WNK2: variants seen among roughly 807,000 people sequenced by gnomAD.
WNK2 encodes serine/threonine-protein kinase WNK2.
WNK2 carries 67 observed loss-of-function variants against 192.1 expected under a neutral mutation model. The ratio of observed to expected loss-of-function variants is 0.35; its 90% CI spans 0.29 to 0.43. The LOEUF is 0.43. Among genes scored for constraint, WNK2 ranks in the 20% least tolerant of loss-of-function variants. WNK2 has a pLI of 1.00. For synonymous variants in WNK2, 1,439 were observed against 1,393.9 expected (o/e 1.03, Z -0.72); for missense variants, 2,698 against 3,089.7 (o/e 0.87, Z 3.01).
At chr9:93,290,759 A>G (rs1849222509) in intron 21 of WNK2, among the ~76,000 whole-genome samples, 1 of 152,240 alleles carries the variant, frequency 6.6e-6, no homozygotes, top group Non-Finnish European at 1.5e-5. Flanking sequence ...TACCAGGGCA[A>G]TCCCTGAAGA....
intron 29 of WNK2, chr9:93,319,484 G>A (rs531783114): frequency 1.1e-6 from 1 of 886,444 alleles, no homozygotes; most frequent in Non-Finnish European, 1.4e-6. Context: ...GGGTTAGCTG[G>A]CTGGGCTGCC....
chr9:93,259,176 T>C lies in WNK2; in HGVS notation c.2628T>C (p.Ile876=). 1 of 1,612,592 alleles carries C rather than the reference T, an allele frequency of 6.2e-7. No homozygotes were observed. Among genetic ancestry groups the C allele is most frequent in the Non-Finnish European group, 8.5e-7 (1 of 1,179,708 alleles). ...CCCTGGCCATGCCCTGCCGGACCAT[T>C]GTGCCAAATGCACCGGCCACTATCC... ...GAPLAMPCRT[I]VPNAPATIPL... is the part of the protein sequence containing the mutation. The change falls in exon 12 of 30, where the codon ATT becomes ATC. Residue 876 remains isoleucine, a synonymous_variant. Transcript: ENST00000427277. The surrounding 1 kb of genome is among the most constrained non-coding windows in gnomAD (Gnocchi z 4.8).
chr9:93,306,947 C>T, intron 27 of WNK2, 126 bp downstream of exon 27: 1 of 1,194,792 alleles, frequency 8.4e-7, no homozygotes. Flanking sequence ...CGCGCCTGCT[C>T]CATGCCTCTC....
intron 16 of WNK2, among the ~76,000 whole-genome samples, chr9:93,266,696 A>G (rs1386882909): frequency 1.3e-5 from 2 of 152,222 alleles, no homozygotes; most frequent in African/African-American, 2.4e-5. Flanking sequence ...CTGGAGGTGT[A>G]TGCAGGTGGT....
At chr9:93,290,110 C>G (rs1378390185) in intron 21 of WNK2, 63 bp downstream of exon 21, 6 of 1,435,818 alleles carry the variant, frequency 4.2e-6, no homozygotes, top group African/African-American at 1.4e-5. Context: ...GCCCCAGAAC[C>G]TTCTGCATCC....
chr9:93,279,793 C>A (rs1295214562), intron 19 of WNK2, among the ~76,000 whole-genome samples: 1 of 152,138 alleles, frequency 6.6e-6, no homozygotes, highest in African/African-American at 2.4e-5. Flanking sequence ...ATTTAAATGA[C>A]TTTCAGGAAA....
At chr9:93,268,799 CCTT>C (rs1845583029) in intron 19 of WNK2, 53 bp downstream of exon 19, 1 of 1,588,664 alleles carries the variant, frequency 6.3e-7, no homozygotes, top group Non-Finnish European at 8.6e-7. Context: ...GTACAGGCCT[CCTT>C]CTGTGCATGA....
At chr9:93,187,593 G>T (rs1383065914) in intron 2 of WNK2, among the ~76,000 whole-genome samples, 2 of 152,330 alleles carry the variant, frequency 1.3e-5, no homozygotes, top group Non-Finnish European at 2.9e-5. Flanking sequence ...AGAACTTGGT[G>T]TGTGTTGGGG....
intron 2 of WNK2, among the ~76,000 whole-genome samples, chr9:93,206,758 G>T (rs75932720): frequency 6.6e-6 from 1 of 152,150 alleles, no homozygotes; most frequent in Admixed American, 6.5e-5. Context: ...TCTTGGGGAG[G>T]GCAGCCAGAA....
Position 93,289,055 on chromosome 9 carries a change from A to G in WNK2, c.4301A>G (p.Gln1434Arg), listed in dbSNP as rs748522186. 1 of 1,606,026 alleles carries G rather than the reference A, an allele frequency of 6.2e-7. No homozygotes were observed. The highest frequency in any genetic ancestry group is 1.7e-5 in the Admixed American group (1 of 59,202). The change falls in exon 20 of 30, where the codon CAG becomes CGG. Residue 1434 changes from glutamine (Q) to arginine (R), a missense_variant. Gln to Arg is a conservative substitution (Grantham distance 43, BLOSUM62 1). Around this residue, in one of 7 missense-constraint regions of WNK2, gnomAD observed 1,098 missense variants for 1,101.0 expected, o/e 1.00. Coordinates refer to ENST00000427277, the MANE Select transcript of WNK2 (RefSeq NM_006648.4). ...QGLTSELETS[Q>R]PLAETHEAPL... ...CTGACCAGTGAGCTCGAGACGTCTC[A>G]GCCACTAGCGGAGACTCACGAGGCC...
chr9:93,247,960 C>A lies in WNK2; in HGVS notation c.1834+126C>A. 9.8e-7 allele frequency: 1 copy of A among 1,022,162 alleles called. No homozygotes were observed. Among genetic ancestry groups the A allele is most frequent in the Non-Finnish European group, 1.4e-6 (1 of 713,546 alleles). 63.3% of individuals were successfully genotyped at this position (1,022,162 alleles called of 1,614,324 possible). On this transcript the variant is annotated intron_variant, in intron 8 of 29. Coordinates refer to ENST00000427277, the MANE Select transcript of WNK2 (RefSeq NM_006648.4). This position sits in a 1 kb window ranked among gnomAD's most constrained non-coding sequence, Gnocchi z 5.2. The stretch of plus-strand genomic sequence containing the variant: ...AATGCTTTGTGAGGAAGGGGGTCCG[C>A]ATGGCATCCCCTCGGAGGAGACATC...
Position 93,185,126 on chromosome 9 carries a change from A to G in WNK2, c.197A>G (p.Gln66Arg). The G allele has an allele frequency of 7.7e-7, 1 of 1,302,698 alleles. No individual in the cohort carries two copies. 80.7% of individuals were successfully genotyped at this position (1,302,698 alleles called of 1,614,324 possible). A position where few individuals can be genotyped will look rare whatever the true frequency, so the allele number is the denominator to read the frequency against. Residue 66 changes from glutamine to arginine, a missense_variant, in exon 2 of 30, where the codon CAG becomes CGG. Coordinates refer to ENST00000427277, the MANE Select transcript of WNK2 (RefSeq NM_006648.4). ...GLEAAEAPGP[Q>R]PPQPLQRRVL... Reference sequence around the variant, plus strand: ...GAGGCAGCCGAGGCGCCGGGCCCGCAGCCCCCGCAGCCCCTGCAGCGCCGG... The same window carrying G: ...GAGGCAGCCGAGGCGCCGGGCCCGCGGCCCCCGCAGCCCCTGCAGCGCCGG...
At chr9:93,251,526 G>A (rs1013102745) in intron 8 of WNK2, among the ~76,000 whole-genome samples, 2 of 152,120 alleles carry the variant, frequency 1.3e-5, no homozygotes, top group Non-Finnish European at 2.9e-5. Context: ...TCTGGGCAAC[G>A]TGGCGAAACC....
chr9:93,305,045 A>G (rs1387906617), intron 26 of WNK2, among the ~76,000 whole-genome samples: 1 of 152,180 alleles, frequency 6.6e-6, no homozygotes, highest in Non-Finnish European at 1.5e-5. Context: ...CTCTGATCGC[A>G]GGTCCAGGCT....
chr9:93,264,043 G>A lies in WNK2; in HGVS notation c.3696+10G>A. ...AATTGCCACGTATATGGTGAGGCTG[G>A]GTCTGGGTGGCTTGGCTCCCGGTGT... On this transcript the variant is annotated intron_variant, in intron 16 of 29. Coordinates refer to ENST00000427277, the MANE Select transcript of WNK2 (RefSeq NM_006648.4). 6.2e-7 allele frequency: 1 copy of A among 1,604,498 alleles called. No homozygotes were observed.
At chr9:93,303,276 G>A (rs894343525) in intron 26 of WNK2, among the ~76,000 whole-genome samples, 1 of 152,200 alleles carries the variant, frequency 6.6e-6, no homozygotes, top group Non-Finnish European at 1.5e-5. Context: ...AGGTGCAGAT[G>A]CTGAGATGGC....
chr9:93,256,577 C>G, intron 10 of WNK2, 123 bp downstream of exon 10: 1 of 1,249,832 alleles, frequency 8.0e-7, no homozygotes. Flanking sequence ...GTGGTTCCCC[C>G]AGGTCTTTGG....
intron 15 of WNK2, 52 bp downstream of exon 15, chr9:93,263,786 G>A: frequency 3.1e-6 from 1 of 326,904 alleles, no homozygotes; most frequent in Non-Finnish European, 5.9e-6. Flanking sequence ...GCATGGTGGG[G>A]GTGTGGTGGG....
At chr9:93,232,964 CAAAAA>C (rs71511650) in intron 4 of WNK2, among the ~76,000 whole-genome samples, 3 of 81,974 alleles carry the variant, frequency 3.7e-5, no homozygotes, top group African/African-American at 4.9e-5. Context: ...CCTGTCTCTA[CAAAAA>C]AAAAAAAAAA....
Sources: gnomAD v4.1 joint callset for allele counts (sites outside exome capture counted in the v4.1 genomes callset) on GRCh38, gnomAD v4.1.1 for gene constraint, gnomAD v4.1.1 regional missense constraint, Gnocchi (gnomAD v3.1) non-coding constraint, MANE v1.5 for transcripts, NCBI Gene and HGNC (gene_info 2026-07-23, HGNC 2026-07-21) for gene names.